Variants in ALG12 observed in about 807,000 individuals in gnomAD.
ALG12 encodes the protein dol-P-Man:Man(7)GlcNAc(2)-PP-Dol alpha-1,6-mannosyltransferase.
ALG12 carries 36 observed loss-of-function variants against 46.0 expected under a neutral mutation model. The ratio of observed to expected loss-of-function variants is 0.78; its 90% confidence interval spans 0.60 to 1.03. The LOEUF (loss-of-function observed/expected upper bound fraction) is 1.03. ALG12 is among the 50% of genes least tolerant of loss of function. The probability of loss-of-function intolerance (pLI) is 0.00; values close to 1 mark genes in which losing one functional copy is unlikely to be tolerated. For synonymous variants in ALG12, 326 were observed against 291.6 expected (o/e 1.12, Z -1.20); for missense variants, 599 against 633.5 (o/e 0.95, Z 0.58).
chr22:49,910,395 G>C, intron 4 of ALG12, 39 bp downstream of exon 4: 1 of 1,604,776 alleles, frequency 6.2e-7, no homozygotes, highest in South Asian at 1.1e-5. Flanking sequence ...GCCCCTGCCC[G>C]GCACCATGGG....
chr22:49,886,189 C>T, the ALG12 span: 1 of 728,120 alleles, frequency 1.4e-6, no homozygotes, highest in Non-Finnish European at 2.5e-6. The surrounding 1 kb of genome is among the most constrained non-coding windows in gnomAD (Gnocchi z 7.7). Flanking sequence ...CATTAAGAGC[C>T]AGCGGATGGT....
the ALG12 span, chr22:49,884,183 G>A: frequency 6.2e-7 from 1 of 1,611,348 alleles, no homozygotes; most frequent in Non-Finnish European, 8.5e-7. Context: ...CAGGAAAATG[G>A]CAGTGTGTCT....
At chr22:49,885,190 G>A in the ALG12 span, 45 of 1,613,714 alleles carry the variant, frequency 2.8e-5, no homozygotes, top group Admixed American at 1.8e-4. Flanking sequence ...AGAAGTTGTC[G>A]GGAGCCAGAA....
the ALG12 span, among the ~76,000 whole-genome samples, chr22:49,865,691 G>A: frequency 1.3e-5 from 2 of 151,882 alleles, no homozygotes; most frequent in Non-Finnish European, 2.9e-5. Context: ...TGCTCACATT[G>A]GGTCCTCATG....
At chr22:49,893,618 C>T in the ALG12 span, among the ~76,000 whole-genome samples, 54,197 of 152,014 alleles carry the variant, frequency 0.36, 13,845 homozygotes, top group African/African-American at 0.73. Context: ...ATTGCAGAAA[C>T]TTGTCACCAG....
Position 49,904,694 on chromosome 22 carries a change from T to C in ALG12, c.993-188A>G. ...AAGATACTGCCTCAAGAATTGTCTG[T>C]GAAATTCTACCCAAGATGCCAATTT... On this transcript the variant is annotated intron_variant, in intron 7 of 9. Transcript: ENST00000330817. 4.7e-6 allele frequency: 3 copies of C among 640,668 alleles called. No homozygotes were observed. In the South Asian group the frequency reaches 5.5e-5, roughly 12 times the overall value. The allele number at this position is 640,668 out of a possible 1,614,324, so 39.7% of individuals were successfully genotyped here. A position where few individuals can be genotyped will look rare whatever the true frequency, so the allele number is the denominator to read the frequency against.
chr22:49,880,456 C>G, the ALG12 span, among the ~76,000 whole-genome samples: 1 of 152,230 alleles, frequency 6.6e-6, no homozygotes, highest in Admixed American at 6.5e-5. Context: ...CTCCCCGCCC[C>G]GCAGCCTGGA....
chr22:49,871,607 A>G, the ALG12 span, among the ~76,000 whole-genome samples: 1 of 152,174 alleles, frequency 6.6e-6, no homozygotes, highest in African/African-American at 2.4e-5. Flanking sequence ...GCCAACAGTC[A>G]TCTGAGCCTT....
intron 1 of ALG12, among the ~76,000 whole-genome samples, chr22:49,916,244 C>T (rs1197594719): frequency 6.6e-6 from 1 of 151,632 alleles, no homozygotes; most frequent in African/African-American, 2.4e-5. Flanking sequence ...CAGAGCAAGA[C>T]TCCATCTCAA....
chr22:49,877,759 C>T, the ALG12 span, among the ~76,000 whole-genome samples: 1 of 152,088 alleles, frequency 6.6e-6, no homozygotes, highest in Non-Finnish European at 1.5e-5. Flanking sequence ...TAAACCCATC[C>T]TGCAGGTGGC....
chr22:49,894,335 G>A, the ALG12 span, among the ~76,000 whole-genome samples: 5 of 152,230 alleles, frequency 3.3e-5, no homozygotes, highest in African/African-American at 4.8e-5. Context: ...GCAAATGGTA[G>A]CTTTAAACCA....
chr22:49,860,324 AATAC>A, the ALG12 span, among the ~76,000 whole-genome samples: 1 of 152,144 alleles, frequency 6.6e-6, no homozygotes. Context: ...CAAAACAAAA[AATAC>A]ATATATATAG....
the ALG12 span, among the ~76,000 whole-genome samples, chr22:49,878,257 G>A: frequency 2.2e-4 from 31 of 138,460 alleles, no homozygotes; most frequent in Admixed American, 7.5e-4. Flanking sequence ...GTGAGCCAAC[G>A]CACCACTGCA....
the ALG12 span, chr22:49,883,827 T>C: frequency 6.2e-7 from 1 of 1,612,040 alleles, no homozygotes; most frequent in Non-Finnish European, 8.5e-7. Context: ...CAGACAGCGG[T>C]GGGGAGCGAG....
the ALG12 span, among the ~76,000 whole-genome samples, chr22:49,864,953 G>A: frequency 0.028 from 251 of 9,016 alleles, 3 homozygotes; most frequent in East Asian, 0.041. Flanking sequence ...CCCCCCCCCC[G>A]TGAAGTCAGA....
chr22:49,883,948 G>A, the ALG12 span: 31 of 1,613,448 alleles, frequency 1.9e-5, no homozygotes, highest in Middle Eastern at 1.6e-4. Flanking sequence ...CACCCTATAC[G>A]ACGTGGCCAT....
At chr22:49,891,540 A>G in the ALG12 span, among the ~76,000 whole-genome samples, 1 of 152,322 alleles carries the variant, frequency 6.6e-6, no homozygotes, top group Non-Finnish European at 1.5e-5. Context: ...CGAGGTATCT[A>G]TGTGTATACT....
intron 4 of ALG12, 62 bp from the exon 5 acceptor site, chr22:49,910,150 C>A: frequency 6.6e-7 from 1 of 1,514,646 alleles, no homozygotes; most frequent in Non-Finnish European, 8.9e-7. Context: ...CAGAAAACAC[C>A]CGGGGAAGTG....
downstream of ALG12, among the ~76,000 whole-genome samples, chr22:49,896,888 A>ACC (rs2060485382): frequency 6.7e-6 from 1 of 150,116 alleles, no homozygotes; most frequent in African/African-American, 2.4e-5. Flanking sequence ...TGATCCACCT[A>ACC]CCTTGGCCTC....
Sources: allele counts gnomAD v4.1 joint callset (sites outside exome capture counted in the v4.1 genomes callset), GRCh38; gene constraint gnomAD v4.1.1; non-coding constraint Gnocchi (gnomAD v3.1); transcripts MANE v1.5; gene names NCBI Gene and HGNC (gene_info 2026-07-23, HGNC 2026-07-21).